RASA3: variants seen among roughly 807,000 people sequenced by gnomAD.
RASA3 encodes ras GTPase-activating protein 3.
Under a neutral mutation model 110.0 loss-of-function variants are expected in RASA3, and 73 were observed. The ratio of observed to expected loss-of-function variants is 0.66; its 90% confidence interval spans 0.55 to 0.81. The LOEUF (loss-of-function observed/expected upper bound fraction) is 0.81. Among genes scored for constraint, RASA3 ranks in the 30% least tolerant of loss-of-function variants. The pLI, the probability that RASA3 is intolerant of heterozygous loss-of-function variation, is 0.00. For missense variants in RASA3, 976 were observed against 1,113.2 expected (o/e 0.88, Z 1.75); for synonymous variants, 500 against 451.4 (o/e 1.11, Z -1.37).
intron 1 of RASA3, among the ~76,000 whole-genome samples, chr13:114,120,718 C>T (rs1014188655): frequency 2.6e-5 from 4 of 152,372 alleles, no homozygotes; most frequent in East Asian, 3.8e-4. Flanking sequence ...CCACAGATAA[C>T]ACGGAAAGGG....
intron 1 of RASA3, among the ~76,000 whole-genome samples, chr13:114,122,822 A>G (rs1015364264): frequency 3.7e-5 from 5 of 136,264 alleles, no homozygotes; most frequent in East Asian, 3.9e-4. Flanking sequence ...AGGCCTGTGC[A>G]TCTCACTGCT....
chr13:114,125,755 G>A (rs1312338821), intron 1 of RASA3, among the ~76,000 whole-genome samples: 1 of 152,154 alleles, frequency 6.6e-6, no homozygotes, highest in Non-Finnish European at 1.5e-5. Flanking sequence ...TGCACGGCAA[G>A]CCCCTCCTTT....
Position 114,000,043 on chromosome 13 carries a change from T to TG in RASA3, c.1850-377dup, listed in dbSNP as rs1213649617. On this transcript the variant is annotated intron_variant, in intron 19 of 23. Coordinates refer to ENST00000334062, the MANE Select transcript of RASA3 (RefSeq NM_007368.4). The stretch of plus-strand genomic sequence containing the variant: ...AGGGTCTCTGCTAGAGGGTCTCTGC[T>TG]GGGGGGTTCTCTGCTGGGGGGGGGT... 1.2e-4 allele frequency among the ~76,000 whole-genome samples: 4 copies of TG among 32,470 alleles called. No individual in the cohort carries two copies. The East Asian group carries it at 4.8e-3, about 39-fold the overall frequency. 21.3% of individuals were successfully genotyped at this position (32,470 alleles called of 152,430 possible). A position where few individuals can be genotyped will look rare whatever the true frequency, so the allele number is the denominator to read the frequency against.
At chr13:114,042,930 G>A (rs1353761857) in intron 3 of RASA3, among the ~76,000 whole-genome samples, 3 of 152,166 alleles carry the variant, frequency 2.0e-5, no homozygotes, top group Admixed American at 6.5e-5. Context: ...GCAGGGAGAG[G>A]GAGCTTCCGT....
rs549571726 is a variant in RASA3 at position 114,014,883 on chromosome 13, G to C, written c.1405+326C>G. Among the ~76,000 whole-genome samples, 13 of 152,082 alleles carry C rather than the reference G, an allele frequency of 8.5e-5. No individual in the cohort carries two copies. The East Asian group carries it at 1.9e-3, about 23-fold the overall frequency. On this transcript the variant is annotated intron_variant, in intron 14 of 23. Transcript: ENST00000334062. The surrounding 1 kb of genome is among the most constrained non-coding windows in gnomAD (Gnocchi z 4.5). The stretch of plus-strand genomic sequence containing the variant: ...CGACAAAGCCTGGCCACCCTTCCCG[G>C]CCCCCCCAGAGACCACTGTGGTCGT...
chr13:113,999,504 C>T lies in RASA3; in HGVS notation c.1932+81G>A. ...TGCAGTGGGTGGGGAAGGGTGAGCCCAGGGCCAGGTACGGGAAGAGAGCAG... is the reference window on the plus strand; with the variant it reads ...TGCAGTGGGTGGGGAAGGGTGAGCCTAGGGCCAGGTACGGGAAGAGAGCAG... On this transcript the variant is annotated intron_variant, in intron 20 of 23. Coordinates refer to ENST00000334062, the MANE Select transcript of RASA3 (RefSeq NM_007368.4). 2.6e-6 allele frequency: 3 copies of T among 1,170,504 alleles called. No homozygotes were observed. In the South Asian group the frequency reaches 3.7e-5, roughly 14 times the overall value. 72.5% of individuals were successfully genotyped at this position (1,170,504 alleles called of 1,614,324 possible).
At position 113,998,615 on chromosome 13, in the gene RASA3, G is replaced by A. The variant is rs117142938; in HGVS notation, c.1932+970C>T. On this transcript the variant is annotated intron_variant, in intron 20 of 23. Transcript: ENST00000334062. ...AGTCACCAGGGAGAACGTGGCCAGC[G>A]GCCGACTCTGGGAGGCCACCACACA... 5.4e-4 allele frequency among the ~76,000 whole-genome samples: 83 copies of A among 152,310 alleles called. No homozygotes were observed. In the East Asian group the frequency reaches 0.011, roughly 20 times the overall value.
chr13:114,124,393 A>G (rs1490315890), intron 1 of RASA3, among the ~76,000 whole-genome samples: 1 of 152,178 alleles, frequency 6.6e-6, no homozygotes, highest in Non-Finnish European at 1.5e-5. Context: ...TCTCCCAGAC[A>G]CTCTGATGCC....
intron 1 of RASA3, among the ~76,000 whole-genome samples, chr13:114,092,039 GATTTT>G (rs1157757526): frequency 2.0e-5 from 3 of 151,412 alleles, no homozygotes; most frequent in African/African-American, 7.3e-5. Context: ...TTCCATCCTT[GATTTT>G]ATTTATTGGG....
chr13:114,040,022 G>A (rs2054364360), intron 4 of RASA3, among the ~76,000 whole-genome samples: 1 of 152,262 alleles, frequency 6.6e-6, no homozygotes, highest in Non-Finnish European at 1.5e-5. Context: ...GGTCCCTGAG[G>A]GCTGACCCTG....
intron 1 of RASA3, among the ~76,000 whole-genome samples, chr13:114,099,366 C>T (rs1482290831): frequency 1.3e-5 from 2 of 151,972 alleles, no homozygotes; most frequent in Non-Finnish European, 2.9e-5. Context: ...CTCCATCACA[C>T]AGGGACGGTA....
intron 7 of RASA3, among the ~76,000 whole-genome samples, chr13:114,026,431 G>T (rs897278062): frequency 6.6e-6 from 1 of 152,248 alleles, no homozygotes. Flanking sequence ...TTGAGACAGA[G>T]AACAGATTCC....
At chr13:114,036,679 A>G (rs1187679140) in intron 4 of RASA3, among the ~76,000 whole-genome samples, 1 of 152,186 alleles carries the variant, frequency 6.6e-6, no homozygotes, top group African/African-American at 2.4e-5. Context: ...CTGGGATTAC[A>G]GGCATGCGCC....
intron 1 of RASA3, among the ~76,000 whole-genome samples, chr13:114,087,549 A>C (rs1444608895): frequency 2.0e-5 from 3 of 152,190 alleles, no homozygotes; most frequent in Non-Finnish European, 2.9e-5. Context: ...GGGAAGGCAA[A>C]GTCACCTGCA....
At chr13:114,038,928 G>T (rs72659547) in intron 4 of RASA3, among the ~76,000 whole-genome samples, 15,480 of 152,258 alleles carry the variant, frequency 0.1, 1,025 homozygotes, top group Non-Finnish European at 0.15. Context: ...AACCTATTTT[G>T]GGGATTTGTC....
intron 3 of RASA3, among the ~76,000 whole-genome samples, chr13:114,047,476 T>TG (rs1333745485): frequency 2.0e-5 from 3 of 152,200 alleles, no homozygotes; most frequent in African/African-American, 7.2e-5. Flanking sequence ...GGTGACCACT[T>TG]GGAGACACGG....
intron 18 of RASA3, among the ~76,000 whole-genome samples, chr13:114,005,597 GC>G (rs2053497195): frequency 6.6e-6 from 1 of 152,156 alleles, no homozygotes. Flanking sequence ...GGGAAGGCCA[GC>G]CCCAAGTGCG....
Position 114,101,466 on chromosome 13 carries a change from C to T in RASA3, c.56-27629G>A, listed in dbSNP as rs534413113. Among the ~76,000 whole-genome samples, 38 of 152,334 alleles carry T rather than the reference C, an allele frequency of 2.5e-4. No homozygotes were observed. In the South Asian group the frequency reaches 4.8e-3, roughly 19 times the overall value. On this transcript the variant is annotated intron_variant, in intron 1 of 23. Transcript: ENST00000334062. ...GCCAGCCACTGCCCGTGCTGGGCCC[C>T]GCCCTGAGACAGTGTCTAAGCACCA...
chr13:114,063,365 T>G (rs890507396), intron 2 of RASA3, among the ~76,000 whole-genome samples: 11 of 149,992 alleles, frequency 7.3e-5, no homozygotes, highest in African/African-American at 2.7e-4. Flanking sequence ...ATAACATAAA[T>G]ACAATATTTA....
Sources: allele counts gnomAD v4.1 joint callset (sites outside exome capture counted in the v4.1 genomes callset), GRCh38; gene constraint gnomAD v4.1.1; non-coding constraint Gnocchi (gnomAD v3.1); transcripts MANE v1.5; gene names NCBI Gene and HGNC (gene_info 2026-07-23, HGNC 2026-07-21).